Variants in STK3 observed in about 807,000 individuals in gnomAD.
STK3 encodes serine/threonine kinase 3.
STK3 carries 41 observed loss-of-function variants against 58.0 expected under a neutral mutation model. The observed-to-expected ratio is 0.71, with a 90% CI of 0.55 to 0.92. The LOEUF is 0.92. Among genes scored for constraint, STK3 ranks in the 40% least tolerant of loss-of-function variants. The pLI is 0.00. For synonymous variants in STK3, 170 were observed against 191.0 expected (o/e 0.89, Z 0.91); for missense variants, 479 against 602.7 (o/e 0.79, Z 2.15).
intron 6 of STK3, among the ~76,000 whole-genome samples, chr8:98,694,763 G>A (rs924033237): frequency 2.0e-5 from 3 of 152,136 alleles, no homozygotes; most frequent in East Asian, 1.9e-4. Flanking sequence ...TTGGACATTT[G>A]GGTTGGTTCC....
At chr8:98,792,697 G>A (rs745826658) in intron 1 of STK3, among the ~76,000 whole-genome samples, 9 of 151,958 alleles carry the variant, frequency 5.9e-5, no homozygotes, top group South Asian at 2.1e-4. Flanking sequence ...GTAAAACTCC[G>A]TCTCAAAGAA....
chr8:98,363,677 C>T, the STK3 span, among the ~76,000 whole-genome samples: 1 of 152,258 alleles, frequency 6.6e-6, no homozygotes, highest in African/African-American at 2.4e-5. Context: ...AGCCATGGTA[C>T]TGCTTGGTTA....
intron 7 of STK3, among the ~76,000 whole-genome samples, chr8:98,590,610 CA>C (rs1284158614): frequency 1.3e-5 from 2 of 152,210 alleles, no homozygotes; most frequent in Non-Finnish European, 2.9e-5. Context: ...CGATCCAAGT[CA>C]CAGCACCAAA....
intron 10 of STK3, among the ~76,000 whole-genome samples, chr8:98,461,021 G>A (rs1819928730): frequency 6.6e-6 from 1 of 152,212 alleles, no homozygotes; most frequent in Admixed American, 6.5e-5. Context: ...GTTCTACAGT[G>A]AAGTTTAAGT....
intron 6 of STK3, among the ~76,000 whole-genome samples, chr8:98,685,367 C>A (rs1191621508): frequency 6.6e-6 from 1 of 152,108 alleles, no homozygotes; most frequent in East Asian, 1.9e-4. Flanking sequence ...AGAATACAGA[C>A]GAAGAGTAGG....
intron 6 of STK3, among the ~76,000 whole-genome samples, chr8:98,656,887 T>C (rs912152462): frequency 6.6e-6 from 1 of 152,160 alleles, no homozygotes; most frequent in African/African-American, 2.4e-5. Flanking sequence ...TCTGTCAATC[T>C]CTGAATATCT....
intron 6 of STK3, chr8:98,601,809 C>T (rs1393829353): frequency 5.3e-5 from 8 of 152,212 alleles, no homozygotes; most frequent in Admixed American, 4.6e-4. Flanking sequence ...GTGAGAGAAA[C>T]TGACTTATTT....
intron 3 of STK3, among the ~76,000 whole-genome samples, chr8:98,752,338 G>A (rs909794494): frequency 6.6e-6 from 1 of 152,104 alleles, no homozygotes; most frequent in Admixed American, 6.5e-5. Context: ...ACAATAACAG[G>A]CAATGGAAAG....
the STK3 span, among the ~76,000 whole-genome samples, chr8:98,354,453 A>G: frequency 3.3e-5 from 5 of 152,214 alleles, no homozygotes; most frequent in Non-Finnish European, 7.3e-5. Flanking sequence ...TGAGAATGAG[A>G]CGTTTAAAGG....
At chr8:98,618,164 G>A (rs62535385) in intron 6 of STK3, among the ~76,000 whole-genome samples, 1 of 151,692 alleles carries the variant, frequency 6.6e-6, no homozygotes, top group Non-Finnish European at 1.5e-5. Flanking sequence ...TCAATATACA[G>A]AAATCAATAA....
chr8:98,514,949 A>C (rs1824814458), intron 10 of STK3, among the ~76,000 whole-genome samples: 1 of 152,130 alleles, frequency 6.6e-6, no homozygotes, highest in African/African-American at 2.4e-5. Flanking sequence ...AAACAATAGC[A>C]AAACCATCAA....
intron 6 of STK3, among the ~76,000 whole-genome samples, chr8:98,599,732 G>C (rs1816170527): frequency 6.6e-6 from 1 of 152,144 alleles, no homozygotes; most frequent in Non-Finnish European, 1.5e-5. Flanking sequence ...AACACTTTGA[G>C]GGGCTGAGGC....
intron 1 of STK3, among the ~76,000 whole-genome samples, chr8:98,911,357 A>T (rs1839124079): frequency 1.3e-5 from 2 of 151,916 alleles, no homozygotes; most frequent in African/African-American, 4.8e-5. Flanking sequence ...AGCCACAAGG[A>T]TGTATTACTC....
chr8:98,353,210 A>C, the STK3 span, among the ~76,000 whole-genome samples: 1 of 152,202 alleles, frequency 6.6e-6, no homozygotes, highest in African/African-American at 2.4e-5. Flanking sequence ...GTGGTGGCTC[A>C]TGCCTGTAAT....
intron 1 of STK3, among the ~76,000 whole-genome samples, chr8:98,785,882 C>T (rs544135954): frequency 2.0e-5 from 3 of 152,190 alleles, no homozygotes; most frequent in South Asian, 2.1e-4. Flanking sequence ...CCTACCAGTA[C>T]GAAAATAATT....
At chr8:98,897,420 C>G (rs1366553123) in intron 1 of STK3, among the ~76,000 whole-genome samples, 1 of 151,944 alleles carries the variant, frequency 6.6e-6, no homozygotes, top group Non-Finnish European at 1.5e-5. Context: ...ATTAACCGGG[C>G]GTGGTCACGG....
chr8:98,743,490 T>C (rs1275841312), intron 4 of STK3, among the ~76,000 whole-genome samples: 3 of 152,164 alleles, frequency 2.0e-5, no homozygotes, highest in Non-Finnish European at 2.9e-5. Flanking sequence ...GGGGAAAGGA[T>C]TCCCTATTTA....
At chr8:98,379,323 C>T (rs1210964521) in intron 1 of STK3, 1 of 152,206 alleles carries the variant, frequency 6.6e-6, no homozygotes, top group African/African-American at 2.4e-5. Flanking sequence ...AGCTAAAGTT[C>T]ACAAGCACTA....
At chr8:98,866,622 C>G (rs768704132) in intron 3 of STK3, among the ~76,000 whole-genome samples, 1 of 152,154 alleles carries the variant, frequency 6.6e-6, no homozygotes, top group Non-Finnish European at 1.5e-5. Context: ...TATACATTAG[C>G]TGCTGTAAGT....
Sources: gnomAD v4.1 joint callset for allele counts (sites outside exome capture counted in the v4.1 genomes callset) on GRCh38, gnomAD v4.1.1 for gene constraint, MANE v1.5 for transcripts, NCBI Gene and HGNC (gene_info 2026-07-23, HGNC 2026-07-21) for gene names.